The following AR variants were observed in gnomAD, a reference collection of about 807,000 sequenced individuals.
AR encodes the protein androgen receptor.
Under a neutral mutation model 53.9 loss-of-function variants are expected in AR, and 8 were observed. The observed-to-expected ratio is 0.15, with a 90% CI of 0.09 to 0.27. The LOEUF (loss-of-function observed/expected upper bound fraction) is 0.27, where lower values mean the gene tolerates loss of function less well. AR is among the 10% of genes least tolerant of loss of function. AR has a pLI of 1.00. For missense variants in AR, 639 were observed against 742.5 expected, an observed-to-expected ratio of 0.86 and a Z score of 1.62; for synonymous variants, 359 against 316.4, an observed-to-expected ratio of 1.13 and a Z score of -1.43.
intron 3 of AR, among the ~76,000 whole-genome samples, 195 bp downstream of exon 3, chrX:67,686,321 C>T (rs1328026768): frequency 9.0e-6 from 1 of 111,022 alleles, no homozygotes; most frequent in Non-Finnish European, 1.9e-5. Context: ...TTATCTATAC[C>T]AATCCCCATT....
chrX:67,694,684 G>C lies in AR; in HGVS notation c.1885+8558G>C, dbSNP rs1035294079. The C allele has an allele frequency of 9.5e-6, 11 of 1,152,402 alleles. No homozygotes were observed. The African/African-American group carries it at 1.6e-4, about 17-fold the overall frequency. 95.0% of individuals were successfully genotyped at this position (1,152,402 alleles called of 1,213,427 possible). On this transcript the variant is annotated intron_variant, in intron 3 of 7. Transcript: ENST00000374690. The stretch of plus-strand genomic sequence containing the variant: ...CTCTTTCATACTAGAAAAATTCCGG[G>C]TTGGCAATTGCAAGCATCTCAAAAT...
At chrX:67,683,200 C>G (rs1320231668) in intron 2 of AR, among the ~76,000 whole-genome samples, 2 of 111,708 alleles carry the variant, frequency 1.8e-5, no homozygotes, top group Non-Finnish European at 3.8e-5. Context: ...CTGGCAACAT[C>G]AGTGCCTTTC....
At chrX:67,637,225 G>A (rs990133944) in intron 1 of AR, among the ~76,000 whole-genome samples, 1 of 107,217 alleles carries the variant, frequency 9.3e-6, no homozygotes, top group African/African-American at 3.4e-5. Flanking sequence ...TGTGCACAAC[G>A]TGCAGGTTTG....
intron 1 of AR, among the ~76,000 whole-genome samples, chrX:67,575,094 G>A (rs768963327): frequency 4.5e-5 from 5 of 111,257 alleles, no homozygotes; most frequent in Non-Finnish European, 9.4e-5. Context: ...TCTGCTGAGG[G>A]TATGAGAATT....
intron 1 of AR, among the ~76,000 whole-genome samples, chrX:67,636,487 G>A (rs1289699491): frequency 1.8e-5 from 2 of 111,316 alleles, no homozygotes; most frequent in Non-Finnish European, 3.8e-5. Context: ...TGTGTAGCTC[G>A]ATTCCATTCC....
intron 3 of AR, among the ~76,000 whole-genome samples, 172 bp from the exon 4 acceptor site, chrX:67,711,230 T>G (rs2147523710): frequency 8.9e-6 from 1 of 112,385 alleles, no homozygotes; most frequent in African/African-American, 3.2e-5. Flanking sequence ...TTTGGGATGA[T>G]GAATTATACA....
intron 2 of AR, among the ~76,000 whole-genome samples, chrX:67,659,666 C>T (rs1380968196): frequency 9.0e-6 from 1 of 111,711 alleles, no homozygotes; most frequent in Non-Finnish European, 1.9e-5. Context: ...TGAATAGTGC[C>T]ATGATAAACA....
At chrX:67,708,010 C>G (rs1014316059) in intron 3 of AR, among the ~76,000 whole-genome samples, 2 of 112,333 alleles carry the variant, frequency 1.8e-5, no homozygotes, top group African/African-American at 6.5e-5. Flanking sequence ...GCCAAGAAAT[C>G]CACTGTTAGT....
chrX:67,685,005 T>C (rs1281890497), intron 2 of AR, among the ~76,000 whole-genome samples: 1 of 111,206 alleles, frequency 9.0e-6, no homozygotes, highest in Non-Finnish European at 1.9e-5. Flanking sequence ...CAGCAATAAA[T>C]TTGAGGAAAA....
At chrX:67,666,327 G>A (rs1401680761) in intron 2 of AR, among the ~76,000 whole-genome samples, 3 of 111,524 alleles carry the variant, frequency 2.7e-5, no homozygotes, top group Non-Finnish European at 5.6e-5. Context: ...GTCTTTCTGT[G>A]CCTGGCTTAT....
Position 67,730,181 on chromosome X carries a change from AAGAAGAG to A in AR, c.*6344_*6350del, listed in dbSNP as rs1416961986. ...TTCAATATTGAAGGAAAAAAGAAAT[AAGAAGAG>A]AGAGAGAAAGAAAGCATCACACAAA... is the stretch of plus-strand genomic sequence containing the variant. On this transcript the variant is annotated 3_prime_UTR_variant, in exon 8 of 8. Transcript: ENST00000374690. The A allele has an allele frequency of 0.064, 726 of 11,423 alleles. 7 individuals are homozygous for A. The highest frequency in any genetic ancestry group is 0.33 in the East Asian group (1 of 3). 0.9% of individuals were successfully genotyped at this position (11,423 alleles called of 1,213,427 possible). A position where few individuals can be genotyped will look rare whatever the true frequency, so the allele number is the denominator to read the frequency against.
At chrX:67,629,518 T>G (rs1396799898) in intron 1 of AR, among the ~76,000 whole-genome samples, 1 of 108,406 alleles carries the variant, frequency 9.2e-6, no homozygotes, top group Non-Finnish European at 1.9e-5. Flanking sequence ...TCTATTTGAT[T>G]CTTCTCTCTT....
At chrX:67,552,689 C>T (rs928657257) in intron 1 of AR, among the ~76,000 whole-genome samples, 3 of 112,410 alleles carry the variant, frequency 2.7e-5, no homozygotes, top group Non-Finnish European at 3.8e-5. Flanking sequence ...TCTTCCACAT[C>T]CTTGCCAACA....
At position 67,711,598 on chromosome X, in the gene AR, G is replaced by A. The variant is rs752374906; in HGVS notation, c.2082G>A (p.Gln694=). The change falls in exon 4 of 8, where the codon CAG becomes CAA. Residue 694 remains glutamine (Q), a synonymous_variant. Transcript: ENST00000374690. The part of the protein sequence containing the change: ...GVVCAGHDNN[Q]PDSFAALLSS... ...TGTGTGCTGGACACGACAACAACCA[G>A]CCCGACTCCTTTGCAGCCTTGCTCT... is the stretch of plus-strand genomic sequence containing the variant. 5.0e-5 allele frequency: 60 copies of A among 1,209,795 alleles called. No homozygotes were observed. Among genetic ancestry groups the A allele is most frequent in the Non-Finnish European group, 6.7e-5 (60 of 895,112 alleles).
chrX:67,645,835 CA>C (rs1926029928), intron 2 of AR, among the ~76,000 whole-genome samples: 1 of 111,253 alleles, frequency 9.0e-6, no homozygotes. Context: ...ATTTTACTGC[CA>C]TCATTATCCC....
At chrX:67,654,485 AGTAACATT>A (rs2147451803) in intron 2 of AR, among the ~76,000 whole-genome samples, 1 of 110,605 alleles carries the variant, frequency 9.0e-6, no homozygotes, top group South Asian at 3.9e-4. Context: ...GTACACTGTG[AGTAACATT>A]CCCCAGCCAG....
chrX:67,707,738 C>T lies in AR; in HGVS notation c.1886-3664C>T, dbSNP rs143221481. The stretch of plus-strand genomic sequence containing the variant: ...GGTTGATGCAGTTTCTTCCTAGCCT[C>T]GATGGTCTTTACAATTTGGCATGTT... On this transcript the variant is annotated intron_variant, in intron 3 of 7. Transcript: ENST00000374690. Among the ~76,000 whole-genome samples the T allele has an allele frequency of 2.7e-3, 297 of 111,922 alleles. 1 individual carries two copies. The highest frequency in any genetic ancestry group is 8.3e-3 in the African/African-American group (256 of 30,807).
chrX:67,572,050 C>G (rs1343792384), intron 1 of AR, among the ~76,000 whole-genome samples: 1 of 111,084 alleles, frequency 9.0e-6, no homozygotes, highest in East Asian at 2.9e-4. Context: ...AAGCCTGTCT[C>G]AGTAGCTACC....
Position 67,683,335 on chromosome X carries a change from G to T in AR, c.1769-2675G>T, listed in dbSNP as rs1032443966. On this transcript the variant is annotated intron_variant, in intron 2 of 7. Transcript: ENST00000374690. ...ACTATCCTAAAAAGACAGAATACAG[G>T]GACAAGAGACTATTATTTTGGATAG... Among the ~76,000 whole-genome samples the T allele has an allele frequency of 7.2e-5, 8 of 110,794 alleles. 1 individual carries two copies. Among genetic ancestry groups the T allele is most frequent in the Non-Finnish European group, 3.8e-5 (2 of 52,862 alleles).
Sources: allele counts gnomAD v4.1 joint callset (sites outside exome capture counted in the v4.1 genomes callset), GRCh38; gene constraint gnomAD v4.1.1; transcripts MANE v1.5; gene names NCBI Gene and HGNC (gene_info 2026-07-23, HGNC 2026-07-21).